The following SPATS2L variants were observed in gnomAD, a reference collection of about 807,000 sequenced individuals.
SPATS2L encodes the protein SPATS2-like protein.
A neutral mutation model predicts 59.6 loss-of-function variants in SPATS2L; 30 were observed. That is an observed-to-expected ratio of 0.50 (90% confidence interval 0.38 to 0.68). The LOEUF (loss-of-function observed/expected upper bound fraction) is 0.68, where lower values mean the gene tolerates loss of function less well. Ranked by LOEUF, SPATS2L falls within the 30% of genes least tolerant of loss-of-function variation. The pLI is 0.00. For missense variants in SPATS2L, 615 were observed against 700.0 expected, an observed-to-expected ratio of 0.88 and a Z score of 1.37; for synonymous variants, 252 against 263.5, an observed-to-expected ratio of 0.96 and a Z score of 0.42.
chr2:200,417,688 A>T (rs542186910), intron 5 of SPATS2L, among the ~76,000 whole-genome samples: 3 of 152,170 alleles, frequency 2.0e-5, no homozygotes, highest in Non-Finnish European at 4.4e-5. Flanking sequence ...CTTGCCTTCA[A>T]CCTGGGACAC....
intron 9 of SPATS2L, among the ~76,000 whole-genome samples, chr2:200,464,044 TATTA>T (rs2086421733): frequency 3.3e-5 from 5 of 152,264 alleles, no homozygotes; most frequent in Admixed American, 3.3e-4. Flanking sequence ...ACATACATAA[TATTA>T]ATTAAGTCTT....
chr2:200,477,820 A>G lies in SPATS2L; in HGVS notation c.1466A>G (p.Asn489Ser), dbSNP rs1403737019. 6.3e-7 allele frequency: 1 copy of G among 1,576,928 alleles called. No homozygotes were observed. Among genetic ancestry groups the G allele is most frequent in the Admixed American group, 1.9e-5 (1 of 53,640 alleles). Residue 489 changes from asparagine to serine, a missense_variant, in exon 13 of 13, where the codon AAT becomes AGT. By Grantham distance (46) the Asn-to-Ser change is conservative. Transcript: ENST00000409140. ...FRPKNKGGAK[N>S]QEASLGMKTP... ...CCCAAAAACAAAGGCGGTGCCAAAA[A>G]TCAAGAGGCTTCCTTGGGGATGAAG...
At chr2:200,387,351 A>G (rs1189703811) in intron 2 of SPATS2L, among the ~76,000 whole-genome samples, 2 of 152,200 alleles carry the variant, frequency 1.3e-5, no homozygotes, top group Non-Finnish European at 1.5e-5. Flanking sequence ...GCATTTGGGA[A>G]AGCGCTGCTT....
At chr2:200,345,335 G>A (rs1222528748) in intron 2 of SPATS2L, among the ~76,000 whole-genome samples, 2 of 152,116 alleles carry the variant, frequency 1.3e-5, no homozygotes, top group Non-Finnish European at 2.9e-5. Context: ...TTGAGAAAAG[G>A]AAAATATTTA....
At chr2:200,466,584 T>C (rs1385482599) in intron 9 of SPATS2L, among the ~76,000 whole-genome samples, 2 of 152,230 alleles carry the variant, frequency 1.3e-5, no homozygotes, top group African/African-American at 4.8e-5. Flanking sequence ...GTGTCTTCTC[T>C]ACGTGTGCAG....
intron 1 of SPATS2L, chr2:200,308,828 A>G: frequency 2.0e-6 from 1 of 495,164 alleles, no homozygotes; most frequent in Non-Finnish European, 3.5e-6. Flanking sequence ...ACTTAGTTTA[A>G]TGTGCTCATT....
intron 8 of SPATS2L, among the ~76,000 whole-genome samples, 182 bp from the exon 9 acceptor site, chr2:200,459,587 A>C (rs2086094177): frequency 6.6e-6 from 1 of 152,204 alleles, no homozygotes; most frequent in Non-Finnish European, 1.5e-5. Context: ...CCTTGGGAAC[A>C]TCCCTTCGAT....
chr2:200,364,625 C>T (rs927501131), intron 2 of SPATS2L, among the ~76,000 whole-genome samples: 1 of 152,152 alleles, frequency 6.6e-6, no homozygotes, highest in Non-Finnish European at 1.5e-5. Flanking sequence ...CACTTGTTGC[C>T]AAGTTTTGGG....
intron 8 of SPATS2L, among the ~76,000 whole-genome samples, chr2:200,445,584 G>C (rs2084979813): frequency 6.6e-6 from 1 of 152,184 alleles, no homozygotes; most frequent in Non-Finnish European, 1.5e-5. Flanking sequence ...CAGTGGCACT[G>C]CTGAGCATCA....
At chr2:200,352,876 G>C (rs1351545637) in intron 2 of SPATS2L, among the ~76,000 whole-genome samples, 1 of 152,144 alleles carries the variant, frequency 6.6e-6, no homozygotes, top group Admixed American at 6.6e-5. Flanking sequence ...GAGAAAGCAG[G>C]GGAGGGGAAC....
At chr2:200,422,464 G>T (rs1476354225) in intron 6 of SPATS2L, among the ~76,000 whole-genome samples, 1 of 149,754 alleles carries the variant, frequency 6.7e-6, no homozygotes, top group Non-Finnish European at 1.5e-5. Flanking sequence ...CTGAGCCCAG[G>T]AGGTTGAGGC....
chr2:200,379,695 G>A (rs1020778118), intron 2 of SPATS2L, among the ~76,000 whole-genome samples: 2 of 152,052 alleles, frequency 1.3e-5, no homozygotes, highest in East Asian at 1.9e-4. Context: ...GTGGTGGGGG[G>A]GATGGGGGAG....
intron 2 of SPATS2L, among the ~76,000 whole-genome samples, chr2:200,344,553 G>GC (rs2080447560): frequency 1.3e-5 from 2 of 152,116 alleles, no homozygotes; most frequent in Non-Finnish European, 1.5e-5. Context: ...TGTCTTTATG[G>GC]TAGAATGATT....
rs2087791030 is a variant in SPATS2L, at chr2:200,482,042, G to GA, written c.*4018dup. 1.3e-5 allele frequency: 2 copies of GA among 151,460 alleles called. No homozygotes were observed. The highest frequency in any genetic ancestry group is 6.6e-5 in the Admixed American group (1 of 15,216). The allele number at this position is 151,460 out of a possible 1,614,324, so 9.4% of individuals were successfully genotyped here. On this transcript the variant is annotated 3_prime_UTR_variant, in exon 13 of 13. Coordinates refer to ENST00000409140, the MANE Select transcript of SPATS2L (RefSeq NM_001100423.2). ...AAATAGCAAAAGACCAAAAAAAAAG[G>GA]AAAAAAAGCAGTTCGCCTAATACAT...
At chr2:200,462,054 T>TG (rs2086275970) in intron 9 of SPATS2L, among the ~76,000 whole-genome samples, 1 of 152,250 alleles carries the variant, frequency 6.6e-6, no homozygotes, top group South Asian at 2.1e-4. Flanking sequence ...ACATCTTCAG[T>TG]AACAGTAGAT....
chr2:200,407,355 A>G (rs144985732), intron 3 of SPATS2L, among the ~76,000 whole-genome samples: 1 of 152,320 alleles, frequency 6.6e-6, no homozygotes, highest in African/African-American at 2.4e-5. Context: ...GGCTCTCTAT[A>G]AAGTACTCAC....
In SPATS2L at chr2:200,473,825, C is replaced by T. The variant is rs888333902; in HGVS notation, c.1281+773C>T. 3.3e-5 allele frequency among the ~76,000 whole-genome samples: 5 copies of T among 152,218 alleles called. No individual in the cohort carries two copies. The East Asian group carries it at 9.7e-4, about 29-fold the overall frequency. ...GACCAGCCTGACCAACATGGTGAAA[C>T]CCTGTCTCTACTAAAAACACAAAAT... On this transcript the variant is annotated intron_variant, in intron 12 of 12. Transcript: ENST00000409140.
chr2:200,369,025 A>G (rs1256100379), intron 2 of SPATS2L, among the ~76,000 whole-genome samples: 1 of 151,864 alleles, frequency 6.6e-6, no homozygotes, highest in Non-Finnish European at 1.5e-5. Flanking sequence ...ATGTACTCCA[A>G]GTCTAACAGT....
chr2:200,437,839 A>AT (rs1470128858), intron 6 of SPATS2L, among the ~76,000 whole-genome samples: 1 of 152,040 alleles, frequency 6.6e-6, no homozygotes, highest in Non-Finnish European at 1.5e-5. Flanking sequence ...ATTCCTTTGT[A>AT]TTTTTTCAAG....
Sources: allele counts gnomAD v4.1 joint callset (sites outside exome capture counted in the v4.1 genomes callset), GRCh38; gene constraint gnomAD v4.1.1; transcripts MANE v1.5; gene names NCBI Gene and HGNC (gene_info 2026-07-23, HGNC 2026-07-21).